The following RASGEF1C variants were observed in gnomAD, a reference collection of about 807,000 sequenced individuals.
RASGEF1C encodes the protein ras-GEF domain-containing family member 1C.
A neutral mutation model predicts 58.1 loss-of-function variants in RASGEF1C; 27 were observed. The ratio of observed to expected loss-of-function variants is 0.46; its 90% CI spans 0.34 to 0.64. RASGEF1C has a LOEUF of 0.64. RASGEF1C is among the 30% of genes least tolerant of loss of function. The pLI is 0.01. For synonymous variants in RASGEF1C, 243 were observed against 246.3 expected, an observed-to-expected ratio of 0.99 and a Z score of 0.13; for missense variants, 502 against 605.1, an observed-to-expected ratio of 0.83 and a Z score of 1.79.
intron 6 of RASGEF1C, among the ~76,000 whole-genome samples, chr5:180,124,321 C>T (rs1426715463): frequency 1.3e-5 from 2 of 152,124 alleles, no homozygotes; most frequent in East Asian, 3.9e-4. Flanking sequence ...TAATTCCAGT[C>T]TTTCAGGAAG....
chr5:180,161,953 C>T (rs938048014), intron 1 of RASGEF1C, among the ~76,000 whole-genome samples: 4 of 152,246 alleles, frequency 2.6e-5, no homozygotes, highest in African/African-American at 9.6e-5. Flanking sequence ...TGGCAGTGCC[C>T]CCAGGGCCTG....
intron 1 of RASGEF1C, among the ~76,000 whole-genome samples, chr5:180,204,654 CTA>C (rs1756459094): frequency 1.3e-5 from 2 of 151,938 alleles, no homozygotes; most frequent in African/African-American, 2.4e-5. Context: ...ATCTATCTAT[CTA>C]TCTCATCTAT....
At chr5:180,174,935 C>A (rs1474188459) in intron 1 of RASGEF1C, among the ~76,000 whole-genome samples, 1 of 152,188 alleles carries the variant, frequency 6.6e-6, no homozygotes. Context: ...CAGACTTGAA[C>A]TGATAGTGGG....
In RASGEF1C at chr5:180,143,177, C is replaced by T. The variant is rs774041623; in HGVS notation, c.-6-5119G>A. Among the ~76,000 whole-genome samples, 22 of 152,154 alleles carry T rather than the reference C, an allele frequency of 1.4e-4. No individual in the cohort carries two copies. Among genetic ancestry groups the T allele is most frequent in the Non-Finnish European group, 2.5e-4 (17 of 68,014 alleles). On this transcript the variant is annotated intron_variant, in intron 1 of 13. Transcript: ENST00000361132. This position sits in a 1 kb window ranked among gnomAD's most constrained non-coding sequence, Gnocchi z 4.3. ...GACAGGCAGACAGGGGACAGGATCC[C>T]ACGTGCCACCCTGCAGGGGGGCACT...
chr5:180,182,381 G>A (rs1022541285), intron 1 of RASGEF1C, among the ~76,000 whole-genome samples: 1 of 152,016 alleles, frequency 6.6e-6, no homozygotes, highest in Non-Finnish European at 1.5e-5. Flanking sequence ...TCTTAAAGGT[G>A]GCGCGGACCC....
intron 6 of RASGEF1C, among the ~76,000 whole-genome samples, chr5:180,126,270 TGTG>T (rs1375861136): frequency 2.0e-5 from 3 of 151,754 alleles, no homozygotes; most frequent in Non-Finnish European, 4.4e-5. Context: ...AGCCGGGTGT[TGTG>T]GTGGGCGCCT....
At chr5:180,202,864 G>A (rs1756419563) in intron 1 of RASGEF1C, among the ~76,000 whole-genome samples, 2 of 152,018 alleles carry the variant, frequency 1.3e-5, no homozygotes, top group Non-Finnish European at 2.9e-5. Context: ...CACCACGCCG[G>A]GCTAATTTTT....
intron 1 of RASGEF1C, among the ~76,000 whole-genome samples, chr5:180,179,046 A>G (rs760944210): frequency 3.9e-5 from 6 of 152,064 alleles, no homozygotes; most frequent in Non-Finnish European, 7.4e-5. Flanking sequence ...ACCATGGGAT[A>G]GTCCTGCAGC....
intron 11 of RASGEF1C, among the ~76,000 whole-genome samples, chr5:180,113,495 C>T (rs180700617): frequency 4.7e-4 from 28 of 60,118 alleles, no homozygotes; most frequent in Admixed American, 7.3e-4. Flanking sequence ...ACGGAGGGAC[C>T]GGGGATGGAC....
At chr5:180,119,596 T>C (rs2113254310) in intron 7 of RASGEF1C, 148 bp from the exon 8 acceptor site, 1 of 656,684 alleles carries the variant, frequency 1.5e-6, no homozygotes, top group Non-Finnish European at 2.7e-6. Flanking sequence ...GGTCTCAGAG[T>C]GCTTCATGGG....
chr5:180,208,407 A>G (rs1756529060), intron 1 of RASGEF1C, among the ~76,000 whole-genome samples: 1 of 151,886 alleles, frequency 6.6e-6, no homozygotes, highest in African/African-American at 2.4e-5. Flanking sequence ...AAGTCCCCCC[A>G]AGCATCGCTT....
chr5:180,126,953 C>T (rs1484671132), intron 6 of RASGEF1C, among the ~76,000 whole-genome samples: 1 of 149,032 alleles, frequency 6.7e-6, no homozygotes, highest in East Asian at 2.0e-4. Context: ...TGTGTCTAAC[C>T]TACTAGGTGA....
intron 4 of RASGEF1C, among the ~76,000 whole-genome samples, chr5:180,135,649 C>G (rs1278941772): frequency 6.6e-6 from 1 of 152,138 alleles, no homozygotes; most frequent in East Asian, 1.9e-4. Context: ...GCTTGGAGAC[C>G]CTTCAGTGTT....
intron 1 of RASGEF1C, among the ~76,000 whole-genome samples, chr5:180,184,827 A>C (rs1160304573): frequency 1.3e-5 from 2 of 152,254 alleles, no homozygotes; most frequent in Non-Finnish European, 2.9e-5. Flanking sequence ...ATAATGACAA[A>C]GGGTCATCCA....
chr5:180,208,858 C>G (rs915135634), intron 1 of RASGEF1C, among the ~76,000 whole-genome samples, 170 bp downstream of exon 1: 4 of 150,750 alleles, frequency 2.7e-5, no homozygotes, highest in Non-Finnish European at 5.9e-5. Context: ...GCCTCCAGTC[C>G]CGGCGGCCGC....
At position 180,158,208 on chromosome 5, in the gene RASGEF1C, G is replaced by A. The variant is rs1031424027; in HGVS notation, c.-6-20150C>T. Among the ~76,000 whole-genome samples the A allele has an allele frequency of 8.5e-5, 13 of 152,210 alleles. No individual in the cohort carries two copies. The highest frequency in any genetic ancestry group is 3.1e-4 in the African/African-American group (13 of 41,442). ...CTACTTCCTAGCTCACGCTGCTGCAGTGGGGCTCAGTTGCCCTCTGGATGT... is the reference window on the plus strand; with the variant it reads ...CTACTTCCTAGCTCACGCTGCTGCAATGGGGCTCAGTTGCCCTCTGGATGT... On this transcript the variant is annotated intron_variant, in intron 1 of 13. Transcript: ENST00000361132. This position sits in a 1 kb window ranked among gnomAD's most constrained non-coding sequence, Gnocchi z 4.0.
At chr5:180,103,373 G>A (rs139268948) in intron 12 of RASGEF1C, among the ~76,000 whole-genome samples, 34 of 152,276 alleles carry the variant, frequency 2.2e-4, no homozygotes, top group Non-Finnish European at 3.8e-4. Context: ...CACCGCACCC[G>A]GCACATCAGC....
intron 1 of RASGEF1C, among the ~76,000 whole-genome samples, chr5:180,157,553 G>A (rs1581112156): frequency 6.6e-6 from 1 of 151,812 alleles, no homozygotes; most frequent in African/African-American, 2.4e-5. Context: ...CTTGAACCCA[G>A]GAGGCGGAGG....
In RASGEF1C at chr5:180,101,349, T is replaced by C; in HGVS notation, c.*152A>G. 7 of 677,662 alleles carry C rather than the reference T, an allele frequency of 1.0e-5. No homozygotes were observed. The highest frequency in any genetic ancestry group is 1.3e-5 in the Non-Finnish European group (6 of 456,784). 42.0% of individuals were successfully genotyped at this position (677,662 alleles called of 1,614,324 possible). On this transcript the variant is annotated 3_prime_UTR_variant, in exon 14 of 14. Transcript: ENST00000361132. ...AGGTCTCCTGTGCCCGTATGGCCAC[T>C]GTGGGGGGGGGGGGGGCGGGCAGCA...
Sources: gnomAD v4.1 joint callset for allele counts (sites outside exome capture counted in the v4.1 genomes callset) on GRCh38, gnomAD v4.1.1 for gene constraint, Gnocchi (gnomAD v3.1) non-coding constraint, MANE v1.5 for transcripts, NCBI Gene and HGNC (gene_info 2026-07-23, HGNC 2026-07-21) for gene names.